Variants in NAALADL2 observed in about 807,000 individuals in gnomAD.
NAALADL2 encodes inactive N-acetylated-alpha-linked acidic dipeptidase-like protein 2.
Under a neutral mutation model 87.2 loss-of-function variants are expected in NAALADL2, and 76 were observed. The ratio of observed to expected loss-of-function variants is 0.87; its 90% CI spans 0.72 to 1.05. The LOEUF (loss-of-function observed/expected upper bound fraction) is 1.05. Among genes scored for constraint, NAALADL2 ranks in the 50% least tolerant of loss-of-function variants. NAALADL2 has a pLI of 0.00. For synonymous variants in NAALADL2, 354 were observed against 331.0 expected, an observed-to-expected ratio of 1.07 and a Z score of -0.75; for missense variants, 1,089 against 945.8, an observed-to-expected ratio of 1.15 and a Z score of -1.99.
At chr3:175,132,405 C>T (rs1728182419) in intron 2 of NAALADL2, among the ~76,000 whole-genome samples, 1 of 72,668 alleles carries the variant, frequency 1.4e-5, no homozygotes, top group Non-Finnish European at 2.5e-5. Context: ...GCGCCCCTCA[C>T]CTCCCCGACG....
chr3:174,483,625 C>G (rs1717691881), intron 1 of NAALADL2, among the ~76,000 whole-genome samples: 1 of 152,016 alleles, frequency 6.6e-6, no homozygotes, highest in African/African-American at 2.4e-5. Context: ...AAAGTATAAT[C>G]AGAATGTAAA....
intron 12 of NAALADL2, among the ~76,000 whole-genome samples, chr3:175,747,852 A>G (rs912921752): frequency 6.6e-6 from 1 of 152,194 alleles, no homozygotes; most frequent in African/African-American, 2.4e-5. Context: ...GACAACATCT[A>G]TAGGTCACAA....
chr3:175,192,144 T>A (rs1738301961), intron 2 of NAALADL2, among the ~76,000 whole-genome samples: 1 of 152,106 alleles, frequency 6.6e-6, no homozygotes, highest in East Asian at 1.9e-4. Flanking sequence ...TGGGCTTTAC[T>A]GGAGTGTTCC....
intron 2 of NAALADL2, among the ~76,000 whole-genome samples, chr3:175,137,997 C>T (rs1001158000): frequency 5.9e-5 from 9 of 152,118 alleles, no homozygotes; most frequent in African/African-American, 2.2e-4. Context: ...TGTTTTACCA[C>T]TTAATTAATT....
At chr3:175,629,163 A>G (rs1727412381) in intron 11 of NAALADL2, among the ~76,000 whole-genome samples, 1 of 148,498 alleles carries the variant, frequency 6.7e-6, no homozygotes, top group African/African-American at 2.5e-5. Flanking sequence ...TCATATATAT[A>G]CATATATACA....
intron 2 of NAALADL2, among the ~76,000 whole-genome samples, chr3:175,193,765 AT>A (rs780322924): frequency 1.3e-5 from 2 of 151,968 alleles, no homozygotes; most frequent in East Asian, 3.9e-4. Flanking sequence ...GCTACTTTGA[AT>A]TTCAAACTAG....
At chr3:174,626,599 A>C (rs1170580950) in intron 2 of NAALADL2, among the ~76,000 whole-genome samples, 2 of 152,070 alleles carry the variant, frequency 1.3e-5, no homozygotes, top group Non-Finnish European at 2.9e-5. Flanking sequence ...TATAGCTATT[A>C]CAATTTTTAA....
intron 1 of NAALADL2, among the ~76,000 whole-genome samples, chr3:175,061,726 CA>C (rs1284290932): frequency 8.7e-6 from 1 of 115,034 alleles, no homozygotes; most frequent in Non-Finnish European, 1.8e-5. Context: ...CTCACTTGCA[CA>C]AATATATATA....
chr3:175,268,360 A>G (rs1752288704), intron 4 of NAALADL2, among the ~76,000 whole-genome samples: 1 of 152,164 alleles, frequency 6.6e-6, no homozygotes, highest in Non-Finnish European at 1.5e-5. Flanking sequence ...ATACCTGTAT[A>G]GGGCACTTAG....
chr3:174,652,327 T>C (rs1246871394), intron 2 of NAALADL2, among the ~76,000 whole-genome samples: 2 of 152,132 alleles, frequency 1.3e-5, no homozygotes, highest in East Asian at 1.9e-4. Flanking sequence ...AAAGTTTTCT[T>C]AAATGGGACA....
rs1239345371 is a variant in NAALADL2 at position 175,493,138 on chromosome 3, G to A, written c.1653+21380G>A. Among the ~76,000 whole-genome samples the A allele has an allele frequency of 2.6e-5, 4 of 151,936 alleles. No homozygotes were observed. The South Asian group carries it at 8.3e-4, about 32-fold the overall frequency. On this transcript the variant is annotated intron_variant, in intron 9 of 13. Transcript: ENST00000454872. Reference sequence around the variant, plus strand: ...AAATGTTGATAACTAAATGCTGAATGCACTTAAATGATAACAGTGGGGTCA... The same window carrying A: ...AAATGTTGATAACTAAATGCTGAATACACTTAAATGATAACAGTGGGGTCA...
chr3:175,267,301 A>G (rs1017729642), intron 4 of NAALADL2, among the ~76,000 whole-genome samples: 1 of 152,100 alleles, frequency 6.6e-6, no homozygotes, highest in Admixed American at 6.6e-5. Context: ...TGTGTGCTCT[A>G]ATTGATTATA....
intron 1 of NAALADL2, among the ~76,000 whole-genome samples, chr3:175,095,108 T>G (rs1720898534): frequency 6.6e-6 from 1 of 152,054 alleles, no homozygotes; most frequent in African/African-American, 2.4e-5. Flanking sequence ...TGCGCTATCC[T>G]CAGCCATAGA....
intron 13 of NAALADL2, among the ~76,000 whole-genome samples, chr3:175,763,340 A>G (rs1383124754): frequency 1.3e-5 from 2 of 152,112 alleles, no homozygotes; most frequent in African/African-American, 4.8e-5. Flanking sequence ...TTGAAATTTA[A>G]TATCTTTTAA....
At chr3:174,512,061 A>G (rs1465941948) in intron 1 of NAALADL2, among the ~76,000 whole-genome samples, 1 of 151,810 alleles carries the variant, frequency 6.6e-6, no homozygotes, top group East Asian at 1.9e-4. Flanking sequence ...TTTATCATAC[A>G]TTTGTCATTT....
At chr3:175,320,302 A>G (rs892389341) in intron 4 of NAALADL2, among the ~76,000 whole-genome samples, 1 of 152,216 alleles carries the variant, frequency 6.6e-6, no homozygotes. Context: ...CTGTTCCATC[A>G]TACTTATGTA....
chr3:175,029,065 A>ATATG (rs397705567), intron 1 of NAALADL2, among the ~76,000 whole-genome samples: 2 of 147,346 alleles, frequency 1.4e-5, no homozygotes, highest in African/African-American at 5.0e-5. Flanking sequence ...ATATATATAT[A>ATATG]AAAAACTCAA....
intron 11 of NAALADL2, among the ~76,000 whole-genome samples, chr3:175,700,902 A>C (rs1388126115): frequency 6.6e-6 from 1 of 152,112 alleles, no homozygotes; most frequent in Non-Finnish European, 1.5e-5. Context: ...GGCAAAAGGG[A>C]GCATTAGAGA....
At chr3:174,894,098 G>T (rs973839218) in intron 1 of NAALADL2, among the ~76,000 whole-genome samples, 1 of 151,966 alleles carries the variant, frequency 6.6e-6, no homozygotes, top group Non-Finnish European at 1.5e-5. Context: ...TATAAGAAGA[G>T]GGAAAAAAGT....
Sources: gnomAD v4.1 joint callset for allele counts (sites outside exome capture counted in the v4.1 genomes callset) on GRCh38, gnomAD v4.1.1 for gene constraint, MANE v1.5 for transcripts, NCBI Gene and HGNC (gene_info 2026-07-23, HGNC 2026-07-21) for gene names.